Variants in RCAN2 observed in about 807,000 individuals in gnomAD.
RCAN2 encodes calcipressin-2.
RCAN2 carries 9 observed loss-of-function variants against 23.6 expected under a neutral mutation model. The ratio of observed to expected loss-of-function variants is 0.38; its 90% CI spans 0.23 to 0.67. RCAN2 has a LOEUF of 0.67. RCAN2 is among the 30% of genes least tolerant of loss of function. The pLI is 0.51. For missense variants in RCAN2, 273 were observed against 302.3 expected, an observed-to-expected ratio of 0.90 and a Z score of 0.72; for synonymous variants, 109 against 115.7, an observed-to-expected ratio of 0.94 and a Z score of 0.37.
At chr6:46,249,763 T>A (rs1179051429) in intron 2 of RCAN2, among the ~76,000 whole-genome samples, 3 of 152,186 alleles carry the variant, frequency 2.0e-5, no homozygotes, top group African/African-American at 7.2e-5. Context: ...TTTTTCAGTT[T>A]ATTTCTCTGA....
intron 4 of RCAN2, among the ~76,000 whole-genome samples, chr6:46,243,699 G>C (rs1190330461): frequency 6.7e-6 from 1 of 150,172 alleles, no homozygotes; most frequent in East Asian, 2.0e-4. Context: ...AGTCCCAGCT[G>C]CTCAGGAAGC....
chr6:46,468,901 T>C (rs1768471743), intron 1 of RCAN2: 1 of 942,154 alleles, frequency 1.1e-6, no homozygotes, highest in Non-Finnish European at 1.3e-6. Context: ...TTTCATTCTC[T>C]CCTCCTTAAC....
chr6:46,343,118 A>G (rs1283650309), intron 2 of RCAN2, among the ~76,000 whole-genome samples: 1 of 152,138 alleles, frequency 6.6e-6, no homozygotes, highest in Non-Finnish European at 1.5e-5. Context: ...AAAATTCTAA[A>G]TTAAACAGAA....
intron 2 of RCAN2, among the ~76,000 whole-genome samples, chr6:46,330,755 T>C (rs1355646079): frequency 6.6e-6 from 1 of 152,236 alleles, no homozygotes; most frequent in Non-Finnish European, 1.5e-5. Context: ...CCATTTCTTT[T>C]TCTAATTCCT....
intron 2 of RCAN2, among the ~76,000 whole-genome samples, chr6:46,383,472 A>G (rs1765663610): frequency 1.3e-5 from 2 of 152,118 alleles, no homozygotes; most frequent in Admixed American, 6.5e-5. Flanking sequence ...CAAGAAAGAT[A>G]TGAATATTAA....
chr6:46,371,635 C>T (rs1423240639), intron 2 of RCAN2, among the ~76,000 whole-genome samples: 1 of 152,188 alleles, frequency 6.6e-6, no homozygotes, highest in Non-Finnish European at 1.5e-5. Flanking sequence ...GTTTTGTTTA[C>T]AGGACTTGAA....
intron 2 of RCAN2, among the ~76,000 whole-genome samples, chr6:46,295,592 AG>A (rs1762701408): frequency 6.6e-6 from 1 of 152,108 alleles, no homozygotes; most frequent in Non-Finnish European, 1.5e-5. Flanking sequence ...AGGAAGCAAA[AG>A]CAGTTTTTGA....
At chr6:46,310,201 TG>T (rs1763210171) in intron 2 of RCAN2, among the ~76,000 whole-genome samples, 3 of 152,186 alleles carry the variant, frequency 2.0e-5, no homozygotes, top group African/African-American at 7.2e-5. Flanking sequence ...TTAGTAAAGA[TG>T]GGTTCAGATT....
chr6:46,318,766 CAT>C (rs1247210776), intron 2 of RCAN2, among the ~76,000 whole-genome samples: 1 of 152,066 alleles, frequency 6.6e-6, no homozygotes, highest in East Asian at 1.9e-4. Flanking sequence ...TACATTTGCA[CAT>C]GTGTATAATA....
chr6:46,413,488 G>A (rs1299220172), intron 2 of RCAN2, among the ~76,000 whole-genome samples: 2 of 152,230 alleles, frequency 1.3e-5, no homozygotes, highest in Non-Finnish European at 2.9e-5. Context: ...TCACTTGGAA[G>A]ATATTGTTGA....
At chr6:46,274,906 C>T (rs749077865) in intron 2 of RCAN2, among the ~76,000 whole-genome samples, 8 of 152,276 alleles carry the variant, frequency 5.3e-5, no homozygotes, top group South Asian at 2.1e-4. Flanking sequence ...AGGGTAACCA[C>T]GTGGCCTCTT....
At chr6:46,330,732 A>G (rs541269024) in intron 2 of RCAN2, among the ~76,000 whole-genome samples, 2 of 152,166 alleles carry the variant, frequency 1.3e-5, no homozygotes, top group Non-Finnish European at 2.9e-5. Context: ...CTTTTAATCT[A>G]TAGAGTTCTC....
Position 46,278,617 on chromosome 6 carries a change from T to C in RCAN2, c.226-29721A>G, listed in dbSNP as rs114709053. Among the ~76,000 whole-genome samples, 1,231 of 152,338 alleles carry C rather than the reference T, an allele frequency of 8.1e-3. 14 individuals are homozygous for C. Among genetic ancestry groups the C allele is most frequent in the African/African-American group, 0.027 (1,123 of 41,590 alleles). ...CAATTGTCCCATTAGTGTTCCTTTA[T>C]AACACAAGAAAATCACACATAATGT... is the stretch of plus-strand genomic sequence containing the variant. On this transcript the variant is annotated intron_variant, in intron 2 of 4. Coordinates refer to ENST00000371374, the MANE Select transcript of RCAN2 (RefSeq NM_001251974.2).
At position 46,352,452 on chromosome 6, in the gene RCAN2, G is replaced by A. The variant is rs140761756; in HGVS notation, c.226-103556C>T. On this transcript the variant is annotated intron_variant, in intron 2 of 4. Transcript: ENST00000371374. ...CTGAGTTTTGGGGCCTGAGACCAGA[G>A]CAGGAAAGTTATATAATCAGAATCA... is the stretch of plus-strand genomic sequence containing the variant. Among the ~76,000 whole-genome samples the A allele has an allele frequency of 1.6e-3, 236 of 152,216 alleles. 3 individuals carry two copies. Among genetic ancestry groups the A allele is most frequent in the Admixed American group, 0.013 (204 of 15,290 alleles).
chr6:46,396,361 T>TA (rs1289054754), intron 2 of RCAN2, among the ~76,000 whole-genome samples: 1 of 152,210 alleles, frequency 6.6e-6, no homozygotes, highest in Admixed American at 6.5e-5. Flanking sequence ...AGCCTATTCT[T>TA]ACTTAGCTGC....
At chr6:46,295,616 A>C (rs552766271) in intron 2 of RCAN2, among the ~76,000 whole-genome samples, 1 of 152,252 alleles carries the variant, frequency 6.6e-6, no homozygotes, top group East Asian at 1.9e-4. Context: ...CAGGAGATAA[A>C]GGCAGGACTG....
chr6:46,446,714 AGAG>A (rs1194650579), intron 2 of RCAN2, among the ~76,000 whole-genome samples: 3 of 152,198 alleles, frequency 2.0e-5, no homozygotes, highest in African/African-American at 4.8e-5. Flanking sequence ...AAATGCGGAA[AGAG>A]GAGTAAAATT....
chr6:46,472,176 A>G (rs1768575391), intron 1 of RCAN2, among the ~76,000 whole-genome samples: 1 of 152,210 alleles, frequency 6.6e-6, no homozygotes, highest in Non-Finnish European at 1.5e-5. Context: ...ACTTTACATC[A>G]AGTACATCAT....
intron 1 of RCAN2, among the ~76,000 whole-genome samples, chr6:46,471,955 T>A (rs1768568806): frequency 6.6e-6 from 1 of 152,076 alleles, no homozygotes; most frequent in African/African-American, 2.4e-5. Context: ...CTACCTCCCC[T>A]AGAGCACCTA....
Sources: allele counts gnomAD v4.1 joint callset (sites outside exome capture counted in the v4.1 genomes callset), GRCh38; gene constraint gnomAD v4.1.1; transcripts MANE v1.5; gene names NCBI Gene and HGNC (gene_info 2026-07-23, HGNC 2026-07-21).